Variants in RNLS observed in about 807,000 individuals in gnomAD.
The protein encoded by RNLS is renalase, FAD dependent amine oxidase, also known as renalase.
RNLS carries 39 observed loss-of-function variants against 39.8 expected under a neutral mutation model. The ratio of observed to expected loss-of-function variants is 0.98; its 90% CI spans 0.76 to 1.28. The LOEUF is 1.28. Ranked by LOEUF, RNLS falls within the 50% of genes most tolerant of loss-of-function variation. The pLI is 0.00. For synonymous variants in RNLS, 147 were observed against 150.7 expected, an observed-to-expected ratio of 0.98 and a Z score of 0.18; for missense variants, 410 against 413.3, an observed-to-expected ratio of 0.99 and a Z score of 0.07.
chr10:88,441,181 G>A (rs1363112182), intron 4 of RNLS, among the ~76,000 whole-genome samples: 4 of 152,040 alleles, frequency 2.6e-5, no homozygotes, highest in South Asian at 4.1e-4. Flanking sequence ...GCCTATTAAC[G>A]TGCTTTTGGG....
Position 88,285,125 on chromosome 10 carries a change from G to T in RNLS, c.*229C>A. ...TTTCCTCCAACAAGGAGTAGTCATAGCAATTCAGAAAAGTAGGGAAGGTGC... is the reference window on the plus strand; with the variant it reads ...TTTCCTCCAACAAGGAGTAGTCATATCAATTCAGAAAAGTAGGGAAGGTGC... On this transcript the variant is annotated 3_prime_UTR_variant, in exon 7 of 7. Coordinates refer to ENST00000331772, the MANE Select transcript of RNLS (RefSeq NM_001031709.3). 8 of 1,024,584 alleles carry T rather than the reference G, an allele frequency of 7.8e-6. No individual in the cohort carries two copies. The highest frequency in any genetic ancestry group is 5.9e-6 in the Non-Finnish European group (5 of 852,576). The allele number at this position is 1,024,584 out of a possible 1,614,324, so 63.5% of individuals were successfully genotyped here.
chr10:88,473,835 A>ATT (rs937265944), intron 4 of RNLS, among the ~76,000 whole-genome samples: 1 of 151,628 alleles, frequency 6.6e-6, no homozygotes, highest in Non-Finnish European at 1.5e-5. Flanking sequence ...ATATATATAT[A>ATT]TTTTTCTCTC....
At chr10:88,413,606 A>C (rs1357487834) in intron 4 of RNLS, among the ~76,000 whole-genome samples, 2 of 152,202 alleles carry the variant, frequency 1.3e-5, no homozygotes, top group Non-Finnish European at 2.9e-5. Context: ...AGCTAGGTCC[A>C]AACTATTAAG....
the RNLS span, among the ~76,000 whole-genome samples, chr10:88,232,953 C>T: frequency 6.6e-6 from 1 of 152,192 alleles, no homozygotes; most frequent in Non-Finnish European, 1.5e-5. Flanking sequence ...GTACATGTTC[C>T]AATCCTGTGT....
chr10:88,351,997 CTCTG>C (rs1372416985), intron 5 of RNLS, among the ~76,000 whole-genome samples: 2 of 151,712 alleles, frequency 1.3e-5, no homozygotes, highest in African/African-American at 4.8e-5. Context: ...TGATTTGGCT[CTCTG>C]TCTGTTATTG....
chr10:88,182,640 A>G, the RNLS span, among the ~76,000 whole-genome samples: 1 of 152,120 alleles, frequency 6.6e-6, no homozygotes, highest in Non-Finnish European at 1.5e-5. Flanking sequence ...CATAAGTAGT[A>G]TACAGTGAAA....
chr10:88,204,142 C>T, the RNLS span, among the ~76,000 whole-genome samples: 91 of 152,264 alleles, frequency 6.0e-4, no homozygotes, highest in Middle Eastern at 6.8e-3. Context: ...GGGGATCAGA[C>T]CATGGTCTGT....
chr10:88,575,159 T>TATATATATATACACAC (rs1386414416), intron 3 of RNLS, among the ~76,000 whole-genome samples: 8 of 43,392 alleles, frequency 1.8e-4, no homozygotes, highest in African/African-American at 7.0e-4. Context: ...TATATATATA[T>TATATATATATACACAC]ACACACACAC....
intron 4 of RNLS, among the ~76,000 whole-genome samples, chr10:88,493,328 C>T (rs1354404559): frequency 6.6e-6 from 1 of 151,818 alleles, no homozygotes; most frequent in Non-Finnish European, 1.5e-5. Context: ...TTAATAGAGG[C>T]TTAAGCAGAT....
At chr10:88,259,135 C>T in the RNLS span, 21 of 152,184 alleles carry the variant, frequency 1.4e-4, no homozygotes, top group African/African-American at 4.8e-4. Context: ...TAGAAAAGCA[C>T]ACAGGAGTTG....
intron 5 of RNLS, among the ~76,000 whole-genome samples, chr10:88,356,942 A>G (rs1849239877): frequency 6.6e-6 from 1 of 152,210 alleles, no homozygotes; most frequent in African/African-American, 2.4e-5. Context: ...CAAGGAAAGA[A>G]TGCTAAATTT....
Position 88,426,426 on chromosome 10 carries a change from A to G in RNLS, c.527-63701T>C, listed in dbSNP as rs1018910447. Among the ~76,000 whole-genome samples, 19 of 152,102 alleles carry G rather than the reference A, an allele frequency of 1.2e-4. No individual in the cohort carries two copies. In the East Asian group the frequency reaches 3.3e-3, roughly 26 times the overall value. On this transcript the variant is annotated intron_variant, in intron 4 of 6. Transcript: ENST00000331772. Reference sequence around the variant, plus strand: ...GGGCTGTAAGTTATATATAGAAAACATTCCCCCCAATTCCCCCTTTTTTTA... The same window carrying G: ...GGGCTGTAAGTTATATATAGAAAACGTTCCCCCCAATTCCCCCTTTTTTTA...
At chr10:88,503,530 G>A (rs1845618303) in intron 4 of RNLS, among the ~76,000 whole-genome samples, 1 of 152,024 alleles carries the variant, frequency 6.6e-6, no homozygotes, top group Admixed American at 6.6e-5. Flanking sequence ...TTATAACCTG[G>A]AACCATCATT....
the RNLS span, among the ~76,000 whole-genome samples, chr10:88,197,080 C>A: frequency 6.6e-6 from 1 of 152,142 alleles, no homozygotes; most frequent in Non-Finnish European, 1.5e-5. Context: ...AAAGTGCATG[C>A]GTGACTTTGG....
intron 4 of RNLS, among the ~76,000 whole-genome samples, chr10:88,400,457 T>C (rs930651009): frequency 6.6e-6 from 1 of 152,042 alleles, no homozygotes; most frequent in Non-Finnish European, 1.5e-5. Context: ...TTCCTCTTTG[T>C]CACACTTCCA....
At chr10:88,537,421 C>T (rs1847817553) in intron 4 of RNLS, among the ~76,000 whole-genome samples, 3 of 152,124 alleles carry the variant, frequency 2.0e-5, no homozygotes, top group Admixed American at 2.0e-4. Flanking sequence ...CACAGGAGCG[C>T]TATTTATAAT....
At chr10:88,541,362 C>T (rs959276492) in intron 4 of RNLS, among the ~76,000 whole-genome samples, 2 of 152,164 alleles carry the variant, frequency 1.3e-5, no homozygotes, top group African/African-American at 4.8e-5. Context: ...CAGATCCTGG[C>T]TTTTCACAAT....
At chr10:88,432,001 T>C (rs1200272875) in intron 4 of RNLS, among the ~76,000 whole-genome samples, 2 of 151,808 alleles carry the variant, frequency 1.3e-5, no homozygotes, top group East Asian at 1.9e-4. Flanking sequence ...TGTTATATCA[T>C]TGATGATTTT....
chr10:88,582,419 C>G, intron 1 of RNLS, 112 bp from the exon 2 acceptor site: 1 of 773,762 alleles, frequency 1.3e-6, no homozygotes, highest in Non-Finnish European at 2.0e-6. Flanking sequence ...TCTTAAGAAA[C>G]TTTTTTAAGT....
Sources: gnomAD v4.1 joint callset for allele counts (sites outside exome capture counted in the v4.1 genomes callset) on GRCh38, gnomAD v4.1.1 for gene constraint, MANE v1.5 for transcripts, NCBI Gene and HGNC (gene_info 2026-07-23, HGNC 2026-07-21) for gene names.